Variants in RBFOX1 observed in about 807,000 individuals in gnomAD.
The protein encoded by RBFOX1 is RNA binding protein fox-1 homolog 1.
Under a neutral mutation model 57.7 loss-of-function variants are expected in RBFOX1, and 8 were observed. The ratio of observed to expected loss-of-function variants is 0.14; its 90% CI spans 0.08 to 0.25. RBFOX1 has a LOEUF of 0.25. RBFOX1 is among the 10% of genes least tolerant of loss of function. The pLI is 1.00. For missense variants in RBFOX1, 611 were observed against 548.5 expected (o/e 1.11, Z -1.14); for synonymous variants, 326 against 222.4 (o/e 1.47, Z -4.15).
intron 12 of RBFOX1, among the ~76,000 whole-genome samples, chr16:7,656,269 C>A (rs2066271501): frequency 6.6e-6 from 1 of 152,194 alleles, no homozygotes; most frequent in African/African-American, 2.4e-5. Flanking sequence ...GGGTGTTTCA[C>A]TGGATTACAG....
intron 2 of RBFOX1, among the ~76,000 whole-genome samples, chr16:6,569,341 C>T (rs763142370): frequency 1.3e-5 from 2 of 152,142 alleles, no homozygotes; most frequent in African/African-American, 2.4e-5. Flanking sequence ...GTATCTACCT[C>T]ATGGAGTTGT....
intron 3 of RBFOX1, among the ~76,000 whole-genome samples, chr16:5,800,136 A>G (rs2055011004): frequency 6.6e-6 from 1 of 152,102 alleles, no homozygotes; most frequent in Non-Finnish European, 1.5e-5. Flanking sequence ...GGTACAGAAA[A>G]CTGTAGAACA....
intron 3 of RBFOX1, among the ~76,000 whole-genome samples, chr16:6,958,641 T>C (rs892364024): frequency 3.9e-5 from 6 of 152,226 alleles, no homozygotes; most frequent in African/African-American, 1.4e-4. Flanking sequence ...CTATTGGCTA[T>C]GCATAACTAG....
intron 4 of RBFOX1, among the ~76,000 whole-genome samples, chr16:7,411,606 A>T (rs1010777181): frequency 1.3e-5 from 2 of 152,174 alleles, no homozygotes; most frequent in African/African-American, 4.8e-5. Context: ...AAGGTGATCA[A>T]AGACGGGGAA....
At chr16:6,861,114 G>A (rs1285340317) in intron 3 of RBFOX1, among the ~76,000 whole-genome samples, 1 of 152,054 alleles carries the variant, frequency 6.6e-6, no homozygotes, top group Non-Finnish European at 1.5e-5. Flanking sequence ...AAGCTGCGGG[G>A]TGGACATACG....
chr16:6,041,897 C>T (rs988161396), intron 1 of RBFOX1, among the ~76,000 whole-genome samples: 3 of 152,062 alleles, frequency 2.0e-5, no homozygotes, highest in Admixed American at 6.6e-5. Context: ...CTCAGGAACC[C>T]AGTGTGTTCT....
chr16:6,651,788 C>T (rs772979638), intron 2 of RBFOX1, among the ~76,000 whole-genome samples: 18 of 152,232 alleles, frequency 1.2e-4, no homozygotes, highest in South Asian at 8.3e-4. Context: ...TCACAATAGC[C>T]GAAAGGTGGA....
At chr16:7,086,719 T>TCTACACACACACACACACAC (rs1317902684) in intron 4 of RBFOX1, among the ~76,000 whole-genome samples, 58 of 13,932 alleles carry the variant, frequency 4.2e-3, no homozygotes, top group African/African-American at 0.039. Context: ...GGGAAGAATG[T>TCTACACACACACACACACAC]ATACACACAC....
intron 4 of RBFOX1, among the ~76,000 whole-genome samples, chr16:7,063,332 T>C (rs774598196): frequency 6.6e-6 from 1 of 152,008 alleles, no homozygotes. Context: ...TGCCCACAGA[T>C]AAAGGATCTG....
At chr16:7,371,790 A>C (rs1047791548) in intron 4 of RBFOX1, among the ~76,000 whole-genome samples, 4 of 152,214 alleles carry the variant, frequency 2.6e-5, no homozygotes, top group Admixed American at 2.0e-4. Flanking sequence ...TGATACATAC[A>C]TGTGCATACA....
At chr16:6,461,055 A>C (rs1483655845) in intron 2 of RBFOX1, among the ~76,000 whole-genome samples, 8 of 152,140 alleles carry the variant, frequency 5.3e-5, no homozygotes, top group Admixed American at 5.2e-4. Context: ...CTGAACAATG[A>C]GAACAGATAG....
intron 3 of RBFOX1, among the ~76,000 whole-genome samples, chr16:5,831,554 A>G (rs960785059): frequency 2.6e-5 from 4 of 151,132 alleles, no homozygotes; most frequent in Admixed American, 2.0e-4. Context: ...CAGTGGCACA[A>G]TCTCAGCTCG....
intron 7 of RBFOX1, among the ~76,000 whole-genome samples, chr16:7,595,186 T>G (rs1000985162): frequency 6.6e-6 from 1 of 152,138 alleles, no homozygotes; most frequent in Non-Finnish European, 1.5e-5. Flanking sequence ...AAAAAAGTGG[T>G]TCCCTTTTCT....
At chr16:6,141,366 C>G (rs910186196) in intron 1 of RBFOX1, among the ~76,000 whole-genome samples, 1 of 152,154 alleles carries the variant, frequency 6.6e-6, no homozygotes, top group Non-Finnish European at 1.5e-5. Flanking sequence ...CTGGGCATAA[C>G]CCTGACTGCT....
chr16:6,217,174 C>CTTTTTTTT (rs71142697), intron 1 of RBFOX1, among the ~76,000 whole-genome samples: 11 of 119,060 alleles, frequency 9.2e-5, no homozygotes, highest in Admixed American at 9.7e-5. Flanking sequence ...TTAGGGGATT[C>CTTTTTTTT]TTTTTTTTTT....
At chr16:6,670,484 A>C (rs2098757314) in intron 3 of RBFOX1, among the ~76,000 whole-genome samples, 1 of 152,218 alleles carries the variant, frequency 6.6e-6, no homozygotes, top group East Asian at 1.9e-4. Context: ...TGTTTTCATA[A>C]AGAAATCATA....
At chr16:5,952,052 TAC>T (rs1423957412) in intron 4 of RBFOX1, among the ~76,000 whole-genome samples, 20 of 150,894 alleles carry the variant, frequency 1.3e-4, no homozygotes, top group African/African-American at 3.7e-4. Flanking sequence ...TACACATATA[TAC>T]ACACACATCT....
At chr16:6,889,815 T>G (rs1362335117) in intron 3 of RBFOX1, among the ~76,000 whole-genome samples, 2 of 152,222 alleles carry the variant, frequency 1.3e-5, no homozygotes, top group African/African-American at 4.8e-5. Context: ...ATAAGTTTCT[T>G]TTAGGTGGTT....
chr16:7,287,093 T>A (rs536865960), intron 4 of RBFOX1, among the ~76,000 whole-genome samples: 1 of 152,260 alleles, frequency 6.6e-6, no homozygotes, highest in East Asian at 1.9e-4. Flanking sequence ...ATCATTATGG[T>A]CCCAGAGTGT....
Sources: allele counts gnomAD v4.1 joint callset (sites outside exome capture counted in the v4.1 genomes callset), GRCh38; gene constraint gnomAD v4.1.1; transcripts MANE v1.5; gene names NCBI Gene and HGNC (gene_info 2026-07-23, HGNC 2026-07-21).